The following RAD51B variants were observed in gnomAD, a reference collection of about 807,000 sequenced individuals.
RAD51B encodes the protein RAD51 paralog B.
A neutral mutation model predicts 42.2 loss-of-function variants in RAD51B; 38 were observed. The ratio of observed to expected loss-of-function variants is 0.90; its 90% confidence interval spans 0.70 to 1.18. RAD51B has a LOEUF of 1.18. Ranked by LOEUF, RAD51B falls within the 50% of genes most tolerant of loss-of-function variation. RAD51B has a pLI of 0.00. For missense variants in RAD51B, 373 were observed against 400.7 expected (o/e 0.93, Z 0.59); for synonymous variants, 154 against 145.2 (o/e 1.06, Z -0.43).
chr14:68,159,513 G>A (rs960525437), intron 7 of RAD51B, among the ~76,000 whole-genome samples: 1 of 151,732 alleles, frequency 6.6e-6, no homozygotes. Context: ...CCAGCTACTC[G>A]GGAGGCTGAG....
intron 7 of RAD51B, among the ~76,000 whole-genome samples, chr14:68,288,552 G>T (rs901837056): frequency 4.6e-5 from 7 of 152,200 alleles, no homozygotes; most frequent in African/African-American, 1.7e-4. Flanking sequence ...GTTCTGTAAG[G>T]TAGCATTTCA....
At chr14:67,853,636 T>C (rs2041893683) in intron 4 of RAD51B, among the ~76,000 whole-genome samples, 1 of 152,230 alleles carries the variant, frequency 6.6e-6, no homozygotes, top group Non-Finnish European at 1.5e-5. Context: ...GTGTCCTAGA[T>C]AGATGTCAGA....
chr14:68,300,073 G>A (rs2081695550), intron 8 of RAD51B, among the ~76,000 whole-genome samples: 1 of 152,162 alleles, frequency 6.6e-6, no homozygotes, highest in Admixed American at 6.5e-5. Context: ...ATATATGAAG[G>A]ACAGATTCCT....
chr14:68,131,453 T>TGGGAG (rs2077888665), intron 7 of RAD51B, among the ~76,000 whole-genome samples: 1 of 152,164 alleles, frequency 6.6e-6, no homozygotes, highest in Non-Finnish European at 1.5e-5. Flanking sequence ...CCCTGCACTT[T>TGGGAG]GGGAGGCCAA....
intron 5 of RAD51B, among the ~76,000 whole-genome samples, chr14:67,877,349 T>C (rs2042759302): frequency 6.6e-6 from 1 of 152,196 alleles, no homozygotes; most frequent in African/African-American, 2.4e-5. Context: ...CAAGATCATA[T>C]GGCTAATAAG....
chr14:68,400,866 CAA>C (rs2084083430), intron 8 of RAD51B, among the ~76,000 whole-genome samples: 1 of 151,988 alleles, frequency 6.6e-6, no homozygotes, highest in South Asian at 2.1e-4. Context: ...TTGCAAAGGT[CAA>C]GAGATTTCAC....
At chr14:68,326,414 C>G (rs2082254007) in intron 8 of RAD51B, among the ~76,000 whole-genome samples, 2 of 152,204 alleles carry the variant, frequency 1.3e-5, no homozygotes, top group Non-Finnish European at 2.9e-5. Flanking sequence ...CCTGGACCCT[C>G]TTACTCACAG....
At position 68,321,165 on chromosome 14, in the gene RAD51B, C is replaced by A. The variant is rs1171733026; in HGVS notation, c.853+29185C>A. 2.0e-5 allele frequency among the ~76,000 whole-genome samples: 3 copies of A among 152,118 alleles called. No individual in the cohort carries two copies. In the East Asian group the frequency reaches 5.8e-4, roughly 29 times the overall value. On this transcript the variant is annotated intron_variant, in intron 8 of 10. Transcript: ENST00000471583. ...TAAAAGGAAATTGAAACCCTGCCCA[C>A]CAAAAAAGTAAAACTAGGGGGAAAA... is the stretch of plus-strand genomic sequence containing the variant.
intron 10 of RAD51B, among the ~76,000 whole-genome samples, chr14:68,472,989 C>T (rs2086163424): frequency 6.6e-6 from 1 of 152,118 alleles, no homozygotes; most frequent in Admixed American, 6.6e-5. Flanking sequence ...TAAGTTTTCC[C>T]ACCCCATTTT....
At chr14:68,158,770 C>T (rs2078571853) in intron 7 of RAD51B, among the ~76,000 whole-genome samples, 1 of 152,172 alleles carries the variant, frequency 6.6e-6, no homozygotes, top group East Asian at 1.9e-4. Context: ...TTGATCCGGC[C>T]TGAATAATTT....
At chr14:68,301,745 C>T (rs1262983414) in intron 8 of RAD51B, among the ~76,000 whole-genome samples, 1 of 152,030 alleles carries the variant, frequency 6.6e-6, no homozygotes, top group East Asian at 1.9e-4. Context: ...TACAGGCATG[C>T]ACCACCACGC....
intron 7 of RAD51B, among the ~76,000 whole-genome samples, chr14:68,211,833 G>A (rs2079715714): frequency 6.6e-6 from 1 of 152,220 alleles, no homozygotes; most frequent in Admixed American, 6.5e-5. Flanking sequence ...AATGTTGGTA[G>A]TCTTCAAAGT....
Position 68,655,067 on chromosome 14 carries a change from T to C in RAD51B, c.*11+4211T>C, listed in dbSNP as rs112058118. On this transcript the variant is annotated intron_variant, in intron 11 of 11. Coordinates refer to the RAD51B transcript ENST00000488612. Reference sequence around the variant, plus strand: ...GGTCTCAGGCCTGCTATGTAACACCTTTCCCCAGCACACCTACACTGGGTG... The same window carrying C: ...GGTCTCAGGCCTGCTATGTAACACCCTTCCCCAGCACACCTACACTGGGTG... 9.8e-3 allele frequency among the ~76,000 whole-genome samples: 1,497 copies of C among 152,214 alleles called. 33 individuals are homozygous for C. The highest frequency in any genetic ancestry group is 0.034 in the African/African-American group (1,429 of 41,536).
intron 10 of RAD51B, among the ~76,000 whole-genome samples, chr14:68,608,659 C>T (rs1445073796): frequency 5.9e-5 from 9 of 152,128 alleles, no homozygotes; most frequent in Non-Finnish European, 5.9e-5. Flanking sequence ...TCACAGTTCC[C>T]GGGCATGAAA....
At chr14:68,546,281 G>A (rs1888230519) in intron 10 of RAD51B, among the ~76,000 whole-genome samples, 1 of 152,198 alleles carries the variant, frequency 6.6e-6, no homozygotes, top group Admixed American at 6.5e-5. Flanking sequence ...GAAGGGAAGG[G>A]GAGAGATTTA....
intron 10 of RAD51B, among the ~76,000 whole-genome samples, chr14:68,622,823 A>C (rs1262293049): frequency 6.6e-6 from 1 of 151,152 alleles, no homozygotes; most frequent in Non-Finnish European, 1.5e-5. Flanking sequence ...AGAGGTGTTT[A>C]TGCTGGGTCA....
intron 7 of RAD51B, among the ~76,000 whole-genome samples, chr14:68,196,503 A>C (rs1349910471): frequency 6.6e-6 from 1 of 152,068 alleles, no homozygotes; most frequent in Non-Finnish European, 1.5e-5. Flanking sequence ...TCTCCATGGA[A>C]TAATAGTCTT....
intron 4 of RAD51B, among the ~76,000 whole-genome samples, chr14:67,849,969 T>C (rs1447237498): frequency 6.6e-6 from 1 of 152,220 alleles, no homozygotes; most frequent in Non-Finnish European, 1.5e-5. Flanking sequence ...ATTCTTATGT[T>C]GCTTCCTTCT....
At chr14:67,851,180 C>G (rs1397492037) in intron 4 of RAD51B, among the ~76,000 whole-genome samples, 5 of 151,952 alleles carry the variant, frequency 3.3e-5, no homozygotes, top group African/African-American at 1.2e-4. Context: ...AAAGTACTAG[C>G]AAAATTGGAA....
Sources: gnomAD v4.1 joint callset for allele counts (sites outside exome capture counted in the v4.1 genomes callset) on GRCh38, gnomAD v4.1.1 for gene constraint, MANE v1.5 for transcripts, NCBI Gene and HGNC (gene_info 2026-07-23, HGNC 2026-07-21) for gene names.